Variants in MAGI2 observed in about 807,000 individuals in gnomAD.
MAGI2 encodes membrane associated guanylate kinase, WW and PDZ domain containing 2.
In MAGI2, 35 loss-of-function variants were observed where a neutral mutation model predicts 133.3. The ratio of observed to expected loss-of-function variants is 0.26; its 90% CI spans 0.20 to 0.35. MAGI2 has a LOEUF of 0.35. MAGI2 is among the 10% of genes least tolerant of loss of function. The pLI, the probability that MAGI2 is intolerant of heterozygous loss-of-function variation, is 1.00. For synonymous variants in MAGI2, 729 were observed against 710.6 expected (o/e 1.03, Z -0.41); for missense variants, 1,636 against 1,863.4 (o/e 0.88, Z 2.25).
At chr7:78,984,622 T>G (rs564399719) in intron 2 of MAGI2, among the ~76,000 whole-genome samples, 10 of 152,040 alleles carry the variant, frequency 6.6e-5, no homozygotes, top group African/African-American at 2.4e-4. Context: ...TCTTCAAGTA[T>G]CTGCTCGTAT....
Position 78,521,596 on chromosome 7 carries a change from C to T in MAGI2, c.588G>A (p.Leu196=), listed in dbSNP as rs1334456751. Residue 196 remains leucine (L), a synonymous_variant, in exon 4 of 22, where the codon TTG becomes TTA. Coordinates refer to ENST00000354212, the MANE Select transcript of MAGI2 (RefSeq NM_012301.4). ...GAAGTATCTGGTCTGTTACATTTAA[C>T]AATAATGGTGCTGGTTCTGCTGGCG... ...PKPPAEPAPL[L]LNVTDQILPG... 6.2e-7 allele frequency: 1 copy of T among 1,613,950 alleles called. No homozygotes were observed. Among genetic ancestry groups the T allele is most frequent in the Non-Finnish European group, 8.5e-7 (1 of 1,180,018 alleles).
chr7:78,069,771 T>C lies in MAGI2; in HGVS notation c.3706+9176A>G, dbSNP rs557594252. Among the ~76,000 whole-genome samples, 366 of 152,182 alleles carry C rather than the reference T, an allele frequency of 2.4e-3. 1 individual carries two copies. Among genetic ancestry groups the C allele is most frequent in the African/African-American group, 8.2e-3 (341 of 41,512 alleles). ...CCATAGTTCTTACAGTATTCAGCAA[T>C]GTTTCCACTGAGACAGCTGCCTTTT... On this transcript the variant is annotated intron_variant, in intron 21 of 21. Transcript: ENST00000354212.
chr7:78,032,734 G>A (rs1174710610), intron 21 of MAGI2, among the ~76,000 whole-genome samples: 1 of 152,102 alleles, frequency 6.6e-6, no homozygotes, highest in Non-Finnish European at 1.5e-5. Flanking sequence ...GGTGGGTGTT[G>A]TTTTAGATAA....
rs542658243 is a variant in MAGI2, at chr7:78,977,840, CAAT to C, written c.418+29247_418+29249del. ...ACAGAGTTTATCTCTTAAAACACAACAATAAGAGAGCATGCAAACCAATAAAAA... is the reference window on the plus strand; with the variant it reads ...ACAGAGTTTATCTCTTAAAACACAACAAGAGAGCATGCAAACCAATAAAAA... On this transcript the variant is annotated intron_variant, in intron 2 of 21. Transcript: ENST00000354212. Among the ~76,000 whole-genome samples, 199 of 151,760 alleles carry C rather than the reference CAAT, an allele frequency of 1.3e-3. 3 individuals carry two copies. Among genetic ancestry groups the C allele is most frequent in the Admixed American group, 1.4e-3 (22 of 15,214 alleles).
At chr7:78,045,393 T>G (rs1338140024) in intron 21 of MAGI2, among the ~76,000 whole-genome samples, 3 of 152,180 alleles carry the variant, frequency 2.0e-5, no homozygotes, top group Non-Finnish European at 4.4e-5. Flanking sequence ...TAGAGCAATG[T>G]GCTAGCCATT....
chr7:78,738,714 A>G (rs1471180962), intron 2 of MAGI2, among the ~76,000 whole-genome samples: 4 of 152,168 alleles, frequency 2.6e-5, no homozygotes, highest in South Asian at 2.1e-4. Flanking sequence ...AATATTGAGA[A>G]TAAAATAAAT....
intron 1 of MAGI2, among the ~76,000 whole-genome samples, chr7:79,019,435 A>T (rs554573297): frequency 1.7e-4 from 26 of 152,236 alleles, no homozygotes; most frequent in African/African-American, 6.0e-4. Context: ...GCCTTCTACC[A>T]TGACTGTAAG....
chr7:79,330,048 C>A (rs1389084035), intron 1 of MAGI2, among the ~76,000 whole-genome samples: 1 of 152,022 alleles, frequency 6.6e-6, no homozygotes, highest in Non-Finnish European at 1.5e-5. Flanking sequence ...AGCAGATACT[C>A]CAAGTATAGT....
At chr7:78,604,147 G>A (rs901525784) in intron 3 of MAGI2, among the ~76,000 whole-genome samples, 1 of 152,096 alleles carries the variant, frequency 6.6e-6, no homozygotes, top group South Asian at 2.1e-4. Context: ...TCATGGAGCT[G>A]GTATCAAAAC....
chr7:78,112,648 A>C (rs1819467982), intron 20 of MAGI2, among the ~76,000 whole-genome samples: 1 of 152,210 alleles, frequency 6.6e-6, no homozygotes, highest in Non-Finnish European at 1.5e-5. Context: ...ACACAACTGC[A>C]GTGTTCTGTA....
intron 9 of MAGI2, among the ~76,000 whole-genome samples, chr7:78,337,085 TAGATAAATAACTATCTATC>T (rs1789851216): frequency 6.6e-6 from 1 of 152,208 alleles, no homozygotes; most frequent in Non-Finnish European, 1.5e-5. Context: ...TGAAGGATGT[TAGATAAATAACTATCTATC>T]AGACTCTGTG....
chr7:78,275,636 T>C, intron 9 of MAGI2, among the ~76,000 whole-genome samples: 1 of 152,212 alleles, frequency 6.6e-6, no homozygotes, highest in East Asian at 1.9e-4. Flanking sequence ...AAACATCTAA[T>C]ATGTACAATA....
intron 1 of MAGI2, among the ~76,000 whole-genome samples, chr7:79,099,754 G>A (rs1040890986): frequency 2.6e-5 from 4 of 152,032 alleles, no homozygotes; most frequent in Admixed American, 2.0e-4. Flanking sequence ...GTGTTAGTTC[G>A]CTTAGGATAA....
At chr7:78,747,887 G>C (rs768531932) in intron 2 of MAGI2, among the ~76,000 whole-genome samples, 1 of 152,166 alleles carries the variant, frequency 6.6e-6, no homozygotes, top group Non-Finnish European at 1.5e-5. Context: ...AAGTTTCTAC[G>C]TGAAGAGTTT....
At chr7:78,115,578 T>C (rs1423296233) in intron 20 of MAGI2, among the ~76,000 whole-genome samples, 3 of 152,124 alleles carry the variant, frequency 2.0e-5, no homozygotes, top group Admixed American at 6.5e-5. Flanking sequence ...GCAAAAAGCA[T>C]TGACAGAGAT....
rs75363650 is a variant in MAGI2 at position 78,102,932 on chromosome 7, T to C, written c.3567+22762A>G. Among the ~76,000 whole-genome samples the C allele has an allele frequency of 4.3e-3, 651 of 152,328 alleles. 8 individuals are homozygous for C. The highest frequency in any genetic ancestry group is 0.015 in the African/African-American group (618 of 41,568). On this transcript the variant is annotated intron_variant, in intron 20 of 21. Transcript: ENST00000354212. ...CTTCCATACCTACCCGGGGGGATTCTCTGGAGTCCTGAGGATTATCTATAA... is the reference window on the plus strand; with the variant it reads ...CTTCCATACCTACCCGGGGGGATTCCCTGGAGTCCTGAGGATTATCTATAA...
At chr7:78,029,937 G>GT (rs1809390292) in intron 21 of MAGI2, among the ~76,000 whole-genome samples, 2 of 152,196 alleles carry the variant, frequency 1.3e-5, no homozygotes, top group Admixed American at 6.5e-5. Flanking sequence ...TTACCTTTCC[G>GT]TAATTTTTTC....
chr7:78,813,854 A>C (rs949644188), intron 2 of MAGI2, among the ~76,000 whole-genome samples: 2 of 151,870 alleles, frequency 1.3e-5, no homozygotes, highest in Non-Finnish European at 2.9e-5. Flanking sequence ...AATAGAAGGA[A>C]TAGAAAGTCA....
chr7:78,018,873 T>C lies in MAGI2; in HGVS notation c.*442A>G, dbSNP rs1442345206. 2.6e-5 allele frequency: 9 copies of C among 346,232 alleles called. No homozygotes were observed. The highest frequency in any genetic ancestry group is 6.3e-5 in the African/African-American group (3 of 47,268). 21.4% of individuals were successfully genotyped at this position (346,232 alleles called of 1,614,324 possible). A position where few individuals can be genotyped will look rare whatever the true frequency, so the allele number is the denominator to read the frequency against. ...AGATCAATTAAAAGATATAATCTTG[T>C]CTCAGTTTCAGCTTGCTCCGTGCAG... is the stretch of plus-strand genomic sequence containing the variant. On this transcript the variant is annotated 3_prime_UTR_variant, in exon 22 of 22. Coordinates refer to ENST00000354212, the MANE Select transcript of MAGI2 (RefSeq NM_012301.4).
Sources: allele counts gnomAD v4.1 joint callset (sites outside exome capture counted in the v4.1 genomes callset), GRCh38; gene constraint gnomAD v4.1.1; transcripts MANE v1.5; gene names NCBI Gene and HGNC (gene_info 2026-07-23, HGNC 2026-07-21).